Variants in ITIH5 observed in about 807,000 individuals in gnomAD.
ITIH5 encodes the protein inter-alpha-trypsin inhibitor heavy chain H5.
In ITIH5, 65 loss-of-function variants were observed where a neutral mutation model predicts 77.5. That is an observed-to-expected ratio of 0.84 (90% CI 0.69 to 1.03). The LOEUF is 1.03. Among genes scored for constraint, ITIH5 ranks in the 50% least tolerant of loss-of-function variants. The pLI, the probability that ITIH5 is intolerant of heterozygous loss-of-function variation, is 0.00. For missense variants in ITIH5, 1,208 were observed against 1,213.1 expected (o/e 1.00, Z 0.06); for synonymous variants, 525 against 494.3 (o/e 1.06, Z -0.82).
chr10:7,604,777 C>T (rs993368081), intron 7 of ITIH5, among the ~76,000 whole-genome samples: 5 of 152,170 alleles, frequency 3.3e-5, no homozygotes, highest in Middle Eastern at 3.2e-3. Context: ...TTTCTCTCCC[C>T]TACAATCCTT....
intron 13 of ITIH5, among the ~76,000 whole-genome samples, chr10:7,565,303 G>GTATA (rs149562316): frequency 3.1e-4 from 46 of 146,262 alleles, no homozygotes; most frequent in African/African-American, 4.8e-4. Flanking sequence ...CATACAGACT[G>GTATA]TATATATATA....
chr10:7,579,404 A>G (rs928312723), intron 9 of ITIH5, among the ~76,000 whole-genome samples: 1 of 152,204 alleles, frequency 6.6e-6, no homozygotes, highest in African/African-American at 2.4e-5. Context: ...GTGTGACTGT[A>G]GTCCCAGCTA....
intron 7 of ITIH5, among the ~76,000 whole-genome samples, chr10:7,606,015 T>G (rs1833118865): frequency 6.6e-6 from 1 of 152,202 alleles, no homozygotes; most frequent in Non-Finnish European, 1.5e-5. Flanking sequence ...CCAAACTCTA[T>G]ACTGACAAGT....
chr10:7,665,246 T>C (rs1834343033), intron 1 of ITIH5, among the ~76,000 whole-genome samples: 1 of 152,236 alleles, frequency 6.6e-6, no homozygotes, highest in Non-Finnish European at 1.5e-5. Flanking sequence ...TGCTAGAGTT[T>C]AAACAGCCTT....
Position 7,582,131 on chromosome 10 carries a change from T to TC in ITIH5, c.1109-2068dup, listed in dbSNP as rs532598819. ...ACCTTGTGATCTGCCCGCCTCGGCCTCCAAAGTGCTGGGATTACTGGCAGG... is the reference window on the plus strand; with the variant it reads ...ACCTTGTGATCTGCCCGCCTCGGCCTCCCAAAGTGCTGGGATTACTGGCAGG... On this transcript the variant is annotated intron_variant, in intron 8 of 13. Coordinates refer to ENST00000397146, the MANE Select transcript of ITIH5 (RefSeq NM_030569.7). Among the ~76,000 whole-genome samples the TC allele has an allele frequency of 2.6e-5, 4 of 151,982 alleles. No individual in the cohort carries two copies. The South Asian group carries it at 6.3e-4, about 24-fold the overall frequency.
intron 8 of ITIH5, among the ~76,000 whole-genome samples, chr10:7,580,788 T>C (rs1218962176): frequency 6.6e-6 from 1 of 152,222 alleles, no homozygotes; most frequent in Non-Finnish European, 1.5e-5. Flanking sequence ...TGTCTAGGGC[T>C]AGGTGGAGCT....
rs781045903 is a variant in ITIH5, at chr10:7,640,876, G to A, written c.300-21C>T. The A allele has an allele frequency of 3.3e-6, 5 of 1,517,950 alleles. No individual in the cohort carries two copies. In the East Asian group the frequency reaches 9.0e-5, roughly 27 times the overall value. 94.0% of individuals were successfully genotyped at this position (1,517,950 alleles called of 1,614,324 possible). ...TAAGCCTGAAATACAAGAGACAGTTGTGCTACCAGCTTGCAGTTCCAAGAC... is the reference window on the plus strand; with the variant it reads ...TAAGCCTGAAATACAAGAGACAGTTATGCTACCAGCTTGCAGTTCCAAGAC... On this transcript the variant is annotated intron_variant, in intron 3 of 13. Transcript: ENST00000397146.
chr10:7,596,727 C>A (rs555036247), intron 7 of ITIH5, among the ~76,000 whole-genome samples: 1 of 152,106 alleles, frequency 6.6e-6, no homozygotes, highest in South Asian at 2.1e-4. Context: ...AAGGGAAAGA[C>A]CTAAGATGAA....
chr10:7,651,839 G>A (rs920399861), intron 2 of ITIH5, among the ~76,000 whole-genome samples: 7 of 152,054 alleles, frequency 4.6e-5, no homozygotes, highest in Admixed American at 1.3e-4. Context: ...TTCTGCCCCT[G>A]ACCCACCATG....
chr10:7,603,670 G>A (rs1024153813), intron 7 of ITIH5, among the ~76,000 whole-genome samples: 12 of 152,042 alleles, frequency 7.9e-5, no homozygotes, highest in African/African-American at 2.7e-4. Flanking sequence ...TGCAAGCTCC[G>A]CCTCCCGGGT....
chr10:7,575,617 A>C (rs1180103682), intron 10 of ITIH5, among the ~76,000 whole-genome samples: 1 of 152,132 alleles, frequency 6.6e-6, no homozygotes, highest in Non-Finnish European at 1.5e-5. Context: ...GCAGAATGGC[A>C]CCGGGACTGA....
At chr10:7,605,610 G>C (rs994848725) in intron 7 of ITIH5, among the ~76,000 whole-genome samples, 1 of 151,940 alleles carries the variant, frequency 6.6e-6, no homozygotes, top group African/African-American at 2.4e-5. Context: ...AGTCAAAGTG[G>C]GAAGCTGAGT....
chr10:7,642,615 T>A (rs1363511077), intron 2 of ITIH5, among the ~76,000 whole-genome samples: 1 of 152,190 alleles, frequency 6.6e-6, no homozygotes, highest in African/African-American at 2.4e-5. Context: ...GAAATAGGAA[T>A]CAATACTGAA....
chr10:7,610,461 T>C (rs1018212859), intron 7 of ITIH5, among the ~76,000 whole-genome samples: 15 of 152,226 alleles, frequency 9.9e-5, no homozygotes, highest in Admixed American at 3.9e-4. Context: ...GCCAACTATG[T>C]GTCCTACATT....
At chr10:7,660,366 G>A (rs1451968261) in intron 1 of ITIH5, among the ~76,000 whole-genome samples, 3 of 152,102 alleles carry the variant, frequency 2.0e-5, no homozygotes, top group Non-Finnish European at 2.9e-5. Flanking sequence ...AAGTGAAAGA[G>A]AATCAGGTTC....
chr10:7,562,926 G>T lies in ITIH5; in HGVS notation c.*157C>A. ...CCGCCCCTACCCACCCCTACCCTTC[G>T]CCCAGACAGACGTCGGATCTATGCT... On this transcript the variant is annotated 3_prime_UTR_variant, in exon 14 of 14. Coordinates refer to ENST00000397146, the MANE Select transcript of ITIH5 (RefSeq NM_030569.7). 1.9e-6 allele frequency: 1 copy of T among 513,260 alleles called. No homozygotes were observed. The highest frequency in any genetic ancestry group is 3.7e-6 in the Non-Finnish European group (1 of 267,714). 31.8% of individuals were successfully genotyped at this position (513,260 alleles called of 1,614,324 possible).
At chr10:7,655,851 C>T (rs974849990) in intron 1 of ITIH5, among the ~76,000 whole-genome samples, 176 bp from the exon 2 acceptor site, 1 of 152,146 alleles carries the variant, frequency 6.6e-6, no homozygotes, top group Non-Finnish European at 1.5e-5. Flanking sequence ...GAGTTTGTTT[C>T]GAGGCCAGAA....
chr10:7,578,004 T>G lies in ITIH5; in HGVS notation c.1419-992A>C, dbSNP rs575583885. Among the ~76,000 whole-genome samples the G allele has an allele frequency of 6.6e-5, 10 of 152,370 alleles. No homozygotes were observed. The East Asian group carries it at 1.5e-3, about 23-fold the overall frequency. On this transcript the variant is annotated intron_variant, in intron 9 of 13. Transcript: ENST00000397146. ...ATGGAATATGGGTAGCAGTGAGATG[T>G]GCAACTTCTCAATATTTGCTTACAA...
At chr10:7,628,241 C>CCAAGGTTA (rs1833618667) in intron 5 of ITIH5, among the ~76,000 whole-genome samples, 1 of 152,188 alleles carries the variant, frequency 6.6e-6, no homozygotes, top group Admixed American at 6.5e-5. Context: ...CTTCATCACC[C>CCAAGGTTA]CAAGGAAACT....
Sources: allele counts gnomAD v4.1 joint callset (sites outside exome capture counted in the v4.1 genomes callset), GRCh38; gene constraint gnomAD v4.1.1; transcripts MANE v1.5; gene names NCBI Gene and HGNC (gene_info 2026-07-23, HGNC 2026-07-21).